The following NBPF12 variants were observed in gnomAD, a reference collection of about 807,000 sequenced individuals.
NBPF12 encodes the protein NBPF family member NBPF12.
NBPF12 carries 115 observed loss-of-function variants against 146.4 expected under a neutral mutation model. The observed-to-expected ratio is 0.79, with a 90% CI of 0.68 to 0.92. The LOEUF is 0.92. Among genes scored for constraint, NBPF12 ranks in the 40% least tolerant of loss-of-function variants. The probability of loss-of-function intolerance (pLI) is 0.00; values close to 1 mark genes in which losing one functional copy is unlikely to be tolerated. For synonymous variants in NBPF12, 385 were observed against 508.9 expected (o/e 0.76, Z 3.28); for missense variants, 1,205 against 1,326.8 (o/e 0.91, Z 1.43).
At chr1:146,962,975 G>A (rs1382618587) in intron 5 of NBPF12, 120 bp from the exon 9 acceptor site, 5 of 680,874 alleles carry the variant, frequency 7.3e-6, no homozygotes, top group African/African-American at 1.8e-5. Context: ...CTTTCAACAT[G>A]TGCTGACCTT....
chr1:146,994,245 C>G (rs1313804218), intron 33 of NBPF12, 87 bp from the exon 37 acceptor site: 25 of 1,609,694 alleles, frequency 1.6e-5, no homozygotes, highest in East Asian at 4.5e-5. Flanking sequence ...TTTCTAACCA[C>G]TTCCTTATGT....
chr1:146,961,439 G>C (rs1223757909), intron 4 of NBPF12, among the ~76,000 whole-genome samples: 2 of 151,864 alleles, frequency 1.3e-5, no homozygotes, highest in Admixed American at 6.6e-5. Flanking sequence ...AATTACATGA[G>C]GTATTTCCTG....
chr1:146,950,011 A>G (rs1309509612), intron 1 of NBPF12, among the ~76,000 whole-genome samples: 3 of 152,072 alleles, frequency 2.0e-5, no homozygotes, highest in Non-Finnish European at 2.9e-5. Flanking sequence ...TAACTGGCAT[A>G]TAACAACATA....
intron 6 of NBPF12, among the ~76,000 whole-genome samples, chr1:146,963,702 TTCTC>T (rs1421465698): frequency 1.3e-5 from 2 of 151,404 alleles, no homozygotes; most frequent in African/African-American, 4.9e-5. Context: ...TTTCCAGAGT[TTCTC>T]TCTCTCCATC....
chr1:146,980,504 G>A (rs1323334262), intron 19 of NBPF12, among the ~76,000 whole-genome samples: 2 of 151,588 alleles, frequency 1.3e-5, no homozygotes, highest in African/African-American at 4.9e-5. Context: ...TTTTTGGGCA[G>A]GCCTGGTGGT....
chr1:146,975,844 C>T, exon 16 of NBPF12: 2 of 1,610,330 alleles, frequency 1.2e-6, no homozygotes, highest in South Asian at 1.1e-5. Context: ...GAACAGCTGG[C>T]TGAGGGGTGT....
At chr1:146,995,602 G>A (rs1658493868) in exon 34 of NBPF12, 1 of 151,448 alleles carries the variant, frequency 6.6e-6, no homozygotes, top group Non-Finnish European at 1.5e-5. Context: ...CTGGCTCAAT[G>A]ATCTACATTC....
intron 1 of NBPF12, among the ~76,000 whole-genome samples, chr1:146,941,758 C>CA (rs1226007703): frequency 0.072 from 4,460 of 61,538 alleles, 210 homozygotes; most frequent in African/African-American, 0.2. Flanking sequence ...TGTCTTGTAC[C>CA]AAAAAAAAAA....
At chr1:146,961,352 G>C (rs1462620305) in intron 4 of NBPF12, among the ~76,000 whole-genome samples, 53 of 151,378 alleles carry the variant, frequency 3.5e-4, no homozygotes, top group Non-Finnish European at 6.5e-4. Flanking sequence ...CAAGTTGCTT[G>C]TCTTGTCTGT....
intron 14 of NBPF12, among the ~76,000 whole-genome samples, chr1:146,974,428 T>C (rs1656859170): frequency 7.4e-6 from 1 of 135,168 alleles, no homozygotes; most frequent in African/African-American, 2.9e-5. Context: ...CTGCAAGTCT[T>C]GGGAAAGTGG....
At chr1:146,945,140 T>C (rs1261490014), upstream of NBPF12, among the ~76,000 whole-genome samples, 2 of 149,690 alleles carry the variant, frequency 1.3e-5, no homozygotes, top group African/African-American at 5.0e-5. Context: ...TTCTTTTTCT[T>C]TCTCTCTCTC....
At chr1:146,938,529 C>T, upstream of NBPF12, among the ~76,000 whole-genome samples, 1 of 152,150 alleles carries the variant, frequency 6.6e-6, no homozygotes, top group African/African-American at 2.4e-5. Flanking sequence ...CCCGTCCCCG[C>T]TGCGCTCCGT....
chr1:146,946,896 G>A (rs1390858236), upstream of NBPF12, among the ~76,000 whole-genome samples: 2 of 152,046 alleles, frequency 1.3e-5, no homozygotes, highest in African/African-American at 2.4e-5. Flanking sequence ...TTTGCATGTG[G>A]TTGTCCAGCT....
chr1:146,964,636 A>G (rs1465701238), intron 7 of NBPF12, among the ~76,000 whole-genome samples: 1 of 151,940 alleles, frequency 6.6e-6, no homozygotes, highest in Non-Finnish European at 1.5e-5. Flanking sequence ...ATACAGGGAT[A>G]GCTGAGTCTT....
At chr1:146,987,866 C>G in intron 25 of NBPF12, 88 bp from the exon 29 acceptor site, 1 of 774,298 alleles carries the variant, frequency 1.3e-6, no homozygotes, top group Non-Finnish European at 2.3e-6. Flanking sequence ...TTTTTAACCA[C>G]TTCCTTATGC....
chr1:146,946,774 C>G, upstream of NBPF12, among the ~76,000 whole-genome samples: 1 of 150,976 alleles, frequency 6.6e-6, no homozygotes, highest in Non-Finnish European at 1.5e-5. Context: ...CCAGGATCCC[C>G]GAGATTTTCT....
chr1:146,962,713 G>A (rs1399555229), intron 5 of NBPF12, among the ~76,000 whole-genome samples: 3 of 147,830 alleles, frequency 2.0e-5, no homozygotes, highest in Admixed American at 1.4e-4. Context: ...TCTGCACCTG[G>A]CCTCATTTCT....
intron 19 of NBPF12, among the ~76,000 whole-genome samples, chr1:146,982,345 G>C (rs1257108469): frequency 7.4e-5 from 11 of 149,176 alleles, no homozygotes; most frequent in African/African-American, 2.5e-4. Flanking sequence ...TTTGCTGGAA[G>C]TCCACTCCAG....
intron 1 of NBPF12, among the ~76,000 whole-genome samples, chr1:146,950,896 CAT>C (rs1192198338): frequency 1.3e-5 from 2 of 152,062 alleles, no homozygotes; most frequent in Non-Finnish European, 2.9e-5. Context: ...ATTTTCTGCA[CAT>C]ATGTTTTAAT....
Sources: gnomAD v4.1 joint callset for allele counts (sites outside exome capture counted in the v4.1 genomes callset) on GRCh38, gnomAD v4.1.1 for gene constraint, MANE v1.5 for transcripts, NCBI Gene and HGNC (gene_info 2026-07-23, HGNC 2026-07-21) for gene names.